The following PIK3R4 variants were observed in gnomAD, a reference collection of about 807,000 sequenced individuals.
PIK3R4 encodes the protein phosphoinositide-3-kinase regulatory subunit 4.
A neutral mutation model predicts 136.5 loss-of-function variants in PIK3R4; 46 were observed. The observed-to-expected ratio is 0.34, with a 90% CI of 0.27 to 0.43. The LOEUF (loss-of-function observed/expected upper bound fraction) is 0.43, where lower values mean the gene tolerates loss of function less well. Among genes scored for constraint, PIK3R4 ranks in the 20% least tolerant of loss-of-function variants. The pLI is 1.00. For missense variants in PIK3R4, 1,331 were observed against 1,649.5 expected (o/e 0.81, Z 3.35); for synonymous variants, 557 against 566.7 (o/e 0.98, Z 0.24).
At chr3:130,698,534 A>G (rs1181591544) in intron 13 of PIK3R4, among the ~76,000 whole-genome samples, 1 of 152,124 alleles carries the variant, frequency 6.6e-6, no homozygotes, top group Non-Finnish European at 1.5e-5. Context: ...CAGAATTTCT[A>G]TTTTATGATT....
At chr3:130,738,710 G>A (rs79229830) in intron 2 of PIK3R4, among the ~76,000 whole-genome samples, 6,101 of 150,840 alleles carry the variant, frequency 0.04, 139 homozygotes, top group Middle Eastern at 0.055. Context: ...AAAAAGATGA[G>A]GACTGTCACA....
At position 130,733,620 on chromosome 3, in the gene PIK3R4, G is replaced by A. The variant is rs1371079929; in HGVS notation, c.1378C>T (p.Pro460Ser). The A allele has an allele frequency of 1.2e-6, 2 of 1,614,074 alleles. No homozygotes were observed. Among genetic ancestry groups the A allele is most frequent in the Admixed American group, 3.3e-5 (2 of 60,016 alleles). ...GCTATGCCTGGCAGAATGTATTCCGGATAAATATTGATATCATTACGAGGA... is the reference window on the plus strand; with the variant it reads ...GCTATGCCTGGCAGAATGTATTCCGAATAAATATTGATATCATTACGAGGA... ...EVPRNDINIYPEYILPGIAHL... is the reference protein window; with the variant it reads ...EVPRNDINIYSEYILPGIAHL... Residue 460 changes from proline (P) to serine (S), a missense_variant, in exon 4 of 20, where the codon CCG becomes TCG. By Grantham distance (74) the Pro-to-Ser change is moderately conservative (BLOSUM62 -1). Transcript: ENST00000356763.
intron 14 of PIK3R4, among the ~76,000 whole-genome samples, chr3:130,689,321 C>G (rs1274362086): frequency 6.6e-6 from 1 of 151,588 alleles, no homozygotes; most frequent in African/African-American, 2.4e-5. Context: ...GGCCTGTGGG[C>G]TCAGTCATCA....
At chr3:130,691,567 C>T (rs2066518444) in intron 13 of PIK3R4, among the ~76,000 whole-genome samples, 1 of 152,158 alleles carries the variant, frequency 6.6e-6, no homozygotes, top group Non-Finnish European at 1.5e-5. Flanking sequence ...CTCCATTACT[C>T]TCCACACAGA....
chr3:130,684,926 T>C (rs1376865879), intron 15 of PIK3R4, among the ~76,000 whole-genome samples: 2 of 152,114 alleles, frequency 1.3e-5, no homozygotes, highest in Non-Finnish European at 2.9e-5. Flanking sequence ...GCAAAAAAAA[T>C]GCATTCCATA....
At chr3:130,715,077 A>G (rs113759543) in intron 9 of PIK3R4, among the ~76,000 whole-genome samples, 44,608 of 148,796 alleles carry the variant, frequency 0.3, 7,699 homozygotes, top group African/African-American at 0.47. Flanking sequence ...GTGTAAAAGT[A>G]TTCCTATTTC....
intron 13 of PIK3R4, among the ~76,000 whole-genome samples, chr3:130,692,168 C>A (rs1432412501): frequency 1.3e-5 from 2 of 152,128 alleles, no homozygotes; most frequent in African/African-American, 4.8e-5. Context: ...AGCCACCACA[C>A]CTGGCCTAGT....
chr3:130,727,248 T>C (rs1340344064), intron 6 of PIK3R4, among the ~76,000 whole-genome samples: 1 of 148,716 alleles, frequency 6.7e-6, no homozygotes, highest in Non-Finnish European at 1.5e-5. Context: ...TGAGACGGAG[T>C]CTCGCTCTTT....
In PIK3R4 at chr3:130,744,783, G is replaced by A; in HGVS notation, c.436C>T (p.His146Tyr). 1 of 1,614,230 alleles carries A rather than the reference G, an allele frequency of 6.2e-7. No individual in the cohort carries two copies. The highest frequency in any genetic ancestry group is 8.5e-7 in the Non-Finnish European group (1 of 1,180,030). ...ACATTCTCAGTCTTGATGTCCCCATGACGAACTCCAGATTTGTGTGCTTGG... is the reference window on the plus strand; with the variant it reads ...ACATTCTCAGTCTTGATGTCCCCATAACGAACTCCAGATTTGTGTGCTTGG... ...VDQAHKSGVR[H>Y]GDIKTENVMV... The change falls in exon 2 of 20, where the codon CAT (histidine) becomes TAT (tyrosine). Residue 146 changes from histidine (H) to tyrosine (Y), a missense_variant. Coordinates refer to ENST00000356763, the MANE Select transcript of PIK3R4 (RefSeq NM_014602.3).
At chr3:130,699,275 T>C (rs1422980687) in intron 13 of PIK3R4, among the ~76,000 whole-genome samples, 1 of 152,090 alleles carries the variant, frequency 6.6e-6, no homozygotes, top group East Asian at 1.9e-4. Context: ...GCCCTGTGAG[T>C]AAGAGTTTTC....
At chr3:130,740,905 G>A (rs2066818795) in intron 2 of PIK3R4, among the ~76,000 whole-genome samples, 1 of 152,104 alleles carries the variant, frequency 6.6e-6, no homozygotes, top group South Asian at 2.1e-4. Context: ...GTGAATCTGG[G>A]TAAAGTGTAT....
intron 2 of PIK3R4, among the ~76,000 whole-genome samples, chr3:130,740,816 G>C (rs2066818157): frequency 6.6e-6 from 1 of 152,100 alleles, no homozygotes; most frequent in Admixed American, 6.6e-5. Context: ...TATTTCATAA[G>C]GTTAGGGAAA....
intron 13 of PIK3R4, among the ~76,000 whole-genome samples, chr3:130,694,224 G>C (rs889276308): frequency 2.0e-5 from 3 of 151,474 alleles, no homozygotes; most frequent in African/African-American, 7.3e-5. Flanking sequence ...CCTTCAATTT[G>C]GTTCTTTTCT....
intron 3 of PIK3R4, among the ~76,000 whole-genome samples, chr3:130,735,307 AG>A (rs1292356416): frequency 6.6e-6 from 1 of 152,184 alleles, no homozygotes; most frequent in Non-Finnish European, 1.5e-5. Context: ...GACTTAGAAA[AG>A]ATGCCCTCAA....
intron 13 of PIK3R4, among the ~76,000 whole-genome samples, chr3:130,692,861 A>T (rs1235574882): frequency 6.6e-6 from 1 of 152,188 alleles, no homozygotes; most frequent in Non-Finnish European, 1.5e-5. Context: ...TATAATTCAC[A>T]TATCACCAAA....
chr3:130,700,524 A>T (rs1046893993), intron 13 of PIK3R4, among the ~76,000 whole-genome samples: 1 of 152,234 alleles, frequency 6.6e-6, no homozygotes, highest in Non-Finnish European at 1.5e-5. Context: ...TTTTTCAAGA[A>T]CTAGTCCCAA....
At chr3:130,693,857 T>C (rs2066532421) in intron 13 of PIK3R4, among the ~76,000 whole-genome samples, 1 of 152,166 alleles carries the variant, frequency 6.6e-6, no homozygotes, top group Non-Finnish European at 1.5e-5. Flanking sequence ...GCCTAATCCA[T>C]GGTCATGAAG....
At chr3:130,701,566 G>A (rs1272390146) in intron 13 of PIK3R4, among the ~76,000 whole-genome samples, 5 of 151,712 alleles carry the variant, frequency 3.3e-5, no homozygotes, top group Non-Finnish European at 7.4e-5. Flanking sequence ...GGTAGTAGCA[G>A]GGGAAGGAAA....
rs770227577 is a variant in PIK3R4, at chr3:130,686,388, C to T, written c.3298G>A (p.Asp1100Asn). The T allele has an allele frequency of 3.7e-6, 6 of 1,612,232 alleles. No individual in the cohort carries two copies. Among genetic ancestry groups the T allele is most frequent in the Non-Finnish European group, 5.1e-6 (6 of 1,178,322 alleles). The change falls in exon 15 of 20, where the codon GAT becomes AAT. Residue 1100 changes from aspartate (D) to asparagine (N), a missense_variant. Asp to Asn is a conservative substitution (Grantham distance 23). Coordinates refer to ENST00000356763, the MANE Select transcript of PIK3R4 (RefSeq NM_014602.3). ...LDQKEDGCVV[D>N]MHHFNSGAQS... ...GCTCCAGAGTTGAAGTGATGCATATCCACAACACAACCGTCCTCCTTCTGA... is the reference window on the plus strand; with the variant it reads ...GCTCCAGAGTTGAAGTGATGCATATTCACAACACAACCGTCCTCCTTCTGA...
Sources: gnomAD v4.1 joint callset for allele counts (sites outside exome capture counted in the v4.1 genomes callset) on GRCh38, gnomAD v4.1.1 for gene constraint, MANE v1.5 for transcripts, NCBI Gene and HGNC (gene_info 2026-07-23, HGNC 2026-07-21) for gene names.